The following PCDHGA1 variants were observed in gnomAD, a reference collection of about 807,000 sequenced individuals.
PCDHGA1 encodes the protein protocadherin gamma subfamily A, 1.
Under a neutral mutation model 58.0 loss-of-function variants are expected in PCDHGA1, and 32 were observed. The ratio of observed to expected loss-of-function variants is 0.55; its 90% CI spans 0.42 to 0.74. The LOEUF is 0.74. PCDHGA1 is among the 30% of genes least tolerant of loss of function. PCDHGA1 has a pLI of 0.00. For synonymous variants in PCDHGA1, 498 were observed against 501.1 expected, an observed-to-expected ratio of 0.99 and a Z score of 0.08; for missense variants, 1,205 against 1,182.3, an observed-to-expected ratio of 1.02 and a Z score of -0.28.
At chr5:141,420,108 A>G (rs780657975) in intron 1 of PCDHGA1, 1 of 1,614,030 alleles carries the variant, frequency 6.2e-7, no homozygotes, top group Non-Finnish European at 8.5e-7. Flanking sequence ...ACGTTGCCCT[A>G]TGCCTATAAT....
chr5:141,495,839 A>G (rs2099764148), intron 2 of PCDHGA1, among the ~76,000 whole-genome samples: 1 of 150,756 alleles, frequency 6.6e-6, no homozygotes, highest in South Asian at 2.1e-4. Flanking sequence ...CCCAGCCTCT[A>G]TGTTTCTCTG....
chr5:141,389,605 A>G (rs1370742468), intron 1 of PCDHGA1: 2 of 1,613,092 alleles, frequency 1.2e-6, no homozygotes, highest in Non-Finnish European at 1.7e-6. Flanking sequence ...GCGCTCTTCG[A>G]TATGGTGCCG....
chr5:141,357,090 G>A (rs765908786), intron 1 of PCDHGA1: 2 of 1,613,880 alleles, frequency 1.2e-6, no homozygotes, highest in East Asian at 2.2e-5. Context: ...GCACCGCACG[G>A]GCCCTGCTGG....
chr5:141,332,149 TACTC>T lies in PCDHGA1; in HGVS notation c.1466_1469del (p.Tyr489SerfsTer2). 6.2e-7 allele frequency: 1 copy of T among 1,614,130 alleles called. No individual in the cohort carries two copies. ...CAGCAATGAGAATGCACAAATCACT[TACTC>T]CCTAATAGAGGACACTATCCAGGGG... On this transcript the variant is annotated frameshift_variant, in exon 1 of 4. Transcript: ENST00000517417. LOFTEE classifies it high-confidence loss of function. This position sits in a 1 kb window ranked among gnomAD's most constrained non-coding sequence, Gnocchi z 4.6.
At chr5:141,389,910 C>A in intron 1 of PCDHGA1, 3 of 1,614,080 alleles carry the variant, frequency 1.9e-6, no homozygotes, top group Non-Finnish European at 2.5e-6. Flanking sequence ...TATCACTGAC[C>A]GCCCCGACCC....
At position 141,431,542 on chromosome 5, in the gene PCDHGA1, G is replaced by C; in HGVS notation, c.2422-63265G>C. On this transcript the variant is annotated intron_variant, in intron 1 of 3. Coordinates refer to ENST00000517417, the MANE Select transcript of PCDHGA1 (RefSeq NM_018912.3). The surrounding 1 kb of genome is among the most constrained non-coding windows in gnomAD (Gnocchi z 4.8). ...AGAATCTGGCCTTGGGCACGCAGCT[G>C]CTTGTAGTCAACGCTACCGACCCTG... The C allele has an allele frequency of 1.9e-6, 3 of 1,614,124 alleles. No homozygotes were observed. The highest frequency in any genetic ancestry group is 1.1e-5 in the South Asian group (1 of 91,086).
Position 141,463,438 on chromosome 5 carries a change from CTTTTTTTTT to C in PCDHGA1, c.2422-31349_2422-31341del, listed in dbSNP as rs71576115. 5.5e-3 allele frequency among the ~76,000 whole-genome samples: 572 copies of C among 103,208 alleles called. 4 individuals carry two copies. The highest frequency in any genetic ancestry group is 8.7e-3 in the Non-Finnish European group (462 of 53,292). The allele number at this position is 103,208 out of a possible 152,430, so 67.7% of individuals were successfully genotyped here. On this transcript the variant is annotated intron_variant, in intron 1 of 3. Transcript: ENST00000517417. ...GTTTGCGGATCCTCATTTCCTTCTC[CTTTTTTTTT>C]TTTTTTTTTTTTTTTTTTTGAGATG...
rs765843212 is a variant in PCDHGA1, at chr5:141,333,093, A to T, written c.2409A>T (p.Glu803Asp). 5 of 1,614,046 alleles carry T rather than the reference A, an allele frequency of 3.1e-6. No individual in the cohort carries two copies. The highest frequency in any genetic ancestry group is 4.2e-6 in the Non-Finnish European group (5 of 1,180,046). ...AGTCTTTACTTGAAGACAAAAAGGA[A>T]CCATTTTCTCAGGTAAACTTTTGTG... ...APQSLLEDKK[E>D]PFSQQAPPNT... Residue 803 changes from glutamate to aspartate, a missense_variant, in exon 1 of 4, where the codon GAA becomes GAT. Physicochemically the swap from Glu to Asp is conservative, Grantham distance 45 (BLOSUM62 2). Coordinates refer to ENST00000517417, the MANE Select transcript of PCDHGA1 (RefSeq NM_018912.3).
chr5:141,429,583 T>A (rs2097226045), intron 1 of PCDHGA1, among the ~76,000 whole-genome samples: 2 of 152,218 alleles, frequency 1.3e-5, no homozygotes, highest in South Asian at 4.1e-4. Flanking sequence ...TTACTTTTGA[T>A]TCTTGTAATT....
chr5:141,372,520 T>A, intron 1 of PCDHGA1: 1 of 1,614,068 alleles, frequency 6.2e-7, no homozygotes, highest in Non-Finnish European at 8.5e-7. Flanking sequence ...GCGGTGATTC[T>A]GGCAATCTCC....
chr5:141,433,194 A>G (rs1170543558), intron 1 of PCDHGA1: 18 of 1,585,754 alleles, frequency 1.1e-5, no homozygotes, highest in Non-Finnish European at 1.5e-5. Context: ...GTGAGTTTAT[A>G]TCAAATCTTC....
intron 1 of PCDHGA1, chr5:141,351,455 A>G (rs77250251): frequency 0.028 from 45,352 of 1,613,276 alleles, 717 homozygotes; most frequent in Middle Eastern, 0.09. Flanking sequence ...GAATTATTAC[A>G]AGCTGGTGAT....
chr5:141,351,502 C>A (rs754605719), intron 1 of PCDHGA1: 8 of 1,614,010 alleles, frequency 5.0e-6, no homozygotes, highest in Non-Finnish European at 6.8e-6. Context: ...CAGCAGACTA[C>A]AACGTCACAA....
In PCDHGA1 at chr5:141,475,307, T is replaced by C. The variant is rs527879991; in HGVS notation, c.2422-19500T>C. The stretch of plus-strand genomic sequence containing the variant: ...GGTAGGGAAATTTCTTATTGCTCCC[T>C]GGTTCTTAAGAAATGAGAGCTAACA... On this transcript the variant is annotated intron_variant, in intron 1 of 3. Transcript: ENST00000517417. 2.8e-4 allele frequency among the ~76,000 whole-genome samples: 43 copies of C among 152,348 alleles called. 1 individual carries two copies. Among genetic ancestry groups the C allele is most frequent in the Admixed American group, 8.5e-4 (13 of 15,298 alleles).
chr5:141,356,223 T>C, intron 1 of PCDHGA1: 1 of 1,598,278 alleles, frequency 6.3e-7, no homozygotes, highest in Non-Finnish European at 8.5e-7. Flanking sequence ...TGGATGAAAA[T>C]GACAACGCAC....
chr5:141,370,155 T>C, intron 1 of PCDHGA1: 1 of 456,622 alleles, frequency 2.2e-6, no homozygotes, highest in Non-Finnish European at 3.8e-6. Flanking sequence ...TTACTGCAGT[T>C]CTGCAGCAGA....
intron 1 of PCDHGA1, chr5:141,360,067 T>C: frequency 1.4e-6 from 2 of 1,466,818 alleles, no homozygotes; most frequent in Non-Finnish European, 1.8e-6. Flanking sequence ...AAAGTGACCT[T>C]AGCCCGGATT....
intron 1 of PCDHGA1, chr5:141,384,132 C>T (rs1290502346): frequency 6.2e-7 from 1 of 1,611,710 alleles, no homozygotes; most frequent in Non-Finnish European, 8.5e-7. Context: ...AAAACTTGGA[C>T]CGGGAAACAC....
At chr5:141,407,707 G>A (rs894295431) in intron 1 of PCDHGA1, among the ~76,000 whole-genome samples, 1 of 151,964 alleles carries the variant, frequency 6.6e-6, no homozygotes, top group African/African-American at 2.4e-5. Flanking sequence ...TTGAAGGTGG[G>A]GTGATGGCTA....
Sources: gnomAD v4.1 joint callset for allele counts (sites outside exome capture counted in the v4.1 genomes callset) on GRCh38, gnomAD v4.1.1 for gene constraint, Gnocchi (gnomAD v3.1) non-coding constraint, MANE v1.5 for transcripts, NCBI Gene and HGNC (gene_info 2026-07-23, HGNC 2026-07-21) for gene names.